PITPNC1: variants seen among roughly 807,000 people sequenced by gnomAD.
PITPNC1 encodes the protein cytoplasmic phosphatidylinositol transfer protein 1.
Under a neutral mutation model 44.7 loss-of-function variants are expected in PITPNC1, and 18 were observed. That is an observed-to-expected ratio of 0.40 (90% CI 0.28 to 0.60). PITPNC1 has a LOEUF of 0.60. Ranked by LOEUF, PITPNC1 falls within the 20% of genes least tolerant of loss-of-function variation. The pLI, the probability that PITPNC1 is intolerant of heterozygous loss-of-function variation, is 0.39. For synonymous variants in PITPNC1, 141 were observed against 149.6 expected (o/e 0.94, Z 0.42); for missense variants, 290 against 418.4 (o/e 0.69, Z 2.68).
chr17:67,473,112 G>A (rs944082413), intron 1 of PITPNC1, among the ~76,000 whole-genome samples: 4 of 152,052 alleles, frequency 2.6e-5, no homozygotes, highest in Non-Finnish European at 5.9e-5. Flanking sequence ...TCCTGACCTC[G>A]TGATCCACCC....
At position 67,676,034 on chromosome 17, in the gene PITPNC1, G is replaced by T. The variant is rs1353110505; in HGVS notation, c.682+492G>T. On this transcript the variant is annotated intron_variant, in intron 8 of 8. Transcript: ENST00000581322. The surrounding 1 kb of genome is among the most constrained non-coding windows in gnomAD (Gnocchi z 4.0). ...ATCCTGGCTAACACGGTGAAACCCCGTCTCTACTAAATAATACAAAAAATT... is the reference window on the plus strand; with the variant it reads ...ATCCTGGCTAACACGGTGAAACCCCTTCTCTACTAAATAATACAAAAAATT... Among the ~76,000 whole-genome samples, 8 of 152,002 alleles carry T rather than the reference G, an allele frequency of 5.3e-5. No homozygotes were observed. Among genetic ancestry groups the T allele is most frequent in the Non-Finnish European group, 4.4e-5 (3 of 67,998 alleles).
intron 5 of PITPNC1, among the ~76,000 whole-genome samples, chr17:67,589,186 T>C (rs1038716208): frequency 1.4e-4 from 21 of 152,224 alleles, no homozygotes; most frequent in African/African-American, 4.6e-4. Flanking sequence ...CACTGCTATT[T>C]GTGGTACAAT....
At chr17:67,651,115 G>T (rs1325598993) in intron 6 of PITPNC1, among the ~76,000 whole-genome samples, 1 of 151,264 alleles carries the variant, frequency 6.6e-6, no homozygotes, top group Non-Finnish European at 1.5e-5. Flanking sequence ...GTTTTGGTTT[G>T]TTTTTTTTTA....
chr17:67,696,550 C>T lies in PITPNC1; in HGVS notation c.*3662C>T, dbSNP rs1470698003. Reference sequence around the variant, plus strand: ...CTGACTCAGTAGGCTAGGAGACAATCTGTCATCTGAGCCATAGTTCTTGAG... The same window carrying T: ...CTGACTCAGTAGGCTAGGAGACAATTTGTCATCTGAGCCATAGTTCTTGAG... On this transcript the variant is annotated 3_prime_UTR_variant, in exon 9 of 9. Coordinates refer to ENST00000581322, the MANE Select transcript of PITPNC1 (RefSeq NM_012417.4). 1.3e-5 allele frequency: 2 copies of T among 152,200 alleles called. No individual in the cohort carries two copies. Among genetic ancestry groups the T allele is most frequent in the Non-Finnish European group, 2.9e-5 (2 of 68,030 alleles). The allele number at this position is 152,200 out of a possible 1,614,324, so 9.4% of individuals were successfully genotyped here.
intron 1 of PITPNC1, among the ~76,000 whole-genome samples, chr17:67,446,417 A>C (rs186501555): frequency 2.5e-4 from 38 of 150,100 alleles, no homozygotes; most frequent in African/African-American, 9.2e-4. Context: ...TGTTTTCAGA[A>C]AAAAAAAAAG....
intron 8 of PITPNC1, among the ~76,000 whole-genome samples, chr17:67,678,563 G>A (rs966421878): frequency 3.3e-5 from 5 of 152,214 alleles, no homozygotes; most frequent in African/African-American, 1.2e-4. Context: ...TTAATTTCAT[G>A]TAAGCTTCTG....
chr17:67,425,193 G>GCGCGCGCGCGCGCGCGCCCACA lies in PITPNC1; in HGVS notation c.48+46992_48+46993insGCGCGCGCGCGCGCGCCCACAC, dbSNP rs1160522771. Among the ~76,000 whole-genome samples the GCGCGCGCGCGCGCGCGCCCACA allele has an allele frequency of 1.2e-4, 6 of 52,118 alleles. 1 individual carries two copies. The allele number at this position is 52,118 out of a possible 152,430, so 34.2% of individuals were successfully genotyped here. A position where few individuals can be genotyped will look rare whatever the true frequency, so the allele number is the denominator to read the frequency against. ...AAATAAACAGCCATGTTGTGCGCGC[G>GCGCGCGCGCGCGCGCGCCCACA]CACGCACACGCACACACACACACAC... On this transcript the variant is annotated intron_variant, in intron 1 of 8. Coordinates refer to ENST00000581322, the MANE Select transcript of PITPNC1 (RefSeq NM_012417.4).
In PITPNC1 at chr17:67,586,449, G is replaced by T. The variant is rs191073278; in HGVS notation, c.366+8192G>T. On this transcript the variant is annotated intron_variant, in intron 5 of 8. Transcript: ENST00000581322. Reference sequence around the variant, plus strand: ...TCAAAAAAAAAAAAAAAAAAAATTAGCTGGGCGTGGTGGTGCATGCCTGTA... The same window carrying T: ...TCAAAAAAAAAAAAAAAAAAAATTATCTGGGCGTGGTGGTGCATGCCTGTA... Among the ~76,000 whole-genome samples, 84 of 137,918 alleles carry T rather than the reference G, an allele frequency of 6.1e-4. 1 individual carries two copies. In the East Asian group the frequency reaches 0.016, roughly 25 times the overall value. The allele number at this position is 137,918 out of a possible 152,430, so 90.5% of individuals were successfully genotyped here.
intron 5 of PITPNC1, among the ~76,000 whole-genome samples, chr17:67,588,356 C>T (rs2041349437): frequency 6.6e-6 from 1 of 152,178 alleles, no homozygotes; most frequent in African/African-American, 2.4e-5. Flanking sequence ...CGAGGTTTCA[C>T]TTTCTGCAGT....
At chr17:67,512,512 A>ACAAAAC (rs2040201474) in intron 1 of PITPNC1, among the ~76,000 whole-genome samples, 1 of 151,412 alleles carries the variant, frequency 6.6e-6, no homozygotes, top group African/African-American at 2.4e-5. Context: ...AAAAAAAAAA[A>ACAAAAC]AAAAAAAAAA....
intron 1 of PITPNC1, among the ~76,000 whole-genome samples, chr17:67,388,313 G>GT (rs2143793943): frequency 6.8e-6 from 1 of 146,598 alleles, no homozygotes; most frequent in African/African-American, 2.5e-5. Flanking sequence ...ATTAGTTTTC[G>GT]TTTCTTTTTT....
intron 1 of PITPNC1, among the ~76,000 whole-genome samples, chr17:67,459,993 A>G (rs1311566246): frequency 2.6e-5 from 4 of 152,296 alleles, no homozygotes; most frequent in Admixed American, 1.3e-4. Flanking sequence ...GAGCTCTTCT[A>G]TCTCTCTCGT....
intron 4 of PITPNC1, among the ~76,000 whole-genome samples, chr17:67,572,458 C>T (rs1238558585): frequency 1.1e-5 from 1 of 87,356 alleles, no homozygotes; most frequent in African/African-American, 5.0e-5. Context: ...CCTGAAGAAG[C>T]TGGGTAAAGC....
chr17:67,441,727 T>G (rs972763927), intron 1 of PITPNC1, among the ~76,000 whole-genome samples: 1 of 152,160 alleles, frequency 6.6e-6, no homozygotes, highest in Non-Finnish European at 1.5e-5. Flanking sequence ...AAATAACTTA[T>G]TACACTTTGA....
chr17:67,673,693 G>A (rs1203940201), intron 7 of PITPNC1, among the ~76,000 whole-genome samples: 1 of 152,104 alleles, frequency 6.6e-6, no homozygotes, highest in Non-Finnish European at 1.5e-5. Flanking sequence ...GCTCATGCCT[G>A]TAATCCCAGC....
intron 1 of PITPNC1, among the ~76,000 whole-genome samples, chr17:67,479,173 G>A (rs1568006960): frequency 6.6e-6 from 1 of 152,162 alleles, no homozygotes; most frequent in Non-Finnish European, 1.5e-5. Flanking sequence ...AGACAGTTAT[G>A]AGCCACTGCC....
intron 6 of PITPNC1, among the ~76,000 whole-genome samples, chr17:67,662,103 G>T (rs948376083): frequency 1.3e-5 from 2 of 152,260 alleles, no homozygotes; most frequent in East Asian, 1.9e-4. Flanking sequence ...TTTTCAGATT[G>T]TATTTTTTAA....
At position 67,625,975 on chromosome 17, in the gene PITPNC1, T is replaced by G. The variant is rs527614359; in HGVS notation, c.367-6168T>G. Among the ~76,000 whole-genome samples, 749 of 135,776 alleles carry G rather than the reference T, an allele frequency of 5.5e-3. 6 individuals carry two copies. Among genetic ancestry groups the G allele is most frequent in the African/African-American group, 0.021 (723 of 34,244 alleles). 89.1% of individuals were successfully genotyped at this position (135,776 alleles called of 152,430 possible). ...TCTAGACTAAGTTGTGGTTTGTTTGTTGTTTTTTTTTTTGGTTTTGGTTTT... is the reference window on the plus strand; with the variant it reads ...TCTAGACTAAGTTGTGGTTTGTTTGGTGTTTTTTTTTTTGGTTTTGGTTTT... On this transcript the variant is annotated intron_variant, in intron 5 of 8. Coordinates refer to ENST00000581322, the MANE Select transcript of PITPNC1 (RefSeq NM_012417.4).
intron 1 of PITPNC1, among the ~76,000 whole-genome samples, chr17:67,402,019 G>A (rs1479602391): frequency 2.0e-5 from 3 of 152,038 alleles, no homozygotes; most frequent in South Asian, 2.1e-4. Flanking sequence ...AACGCAATGC[G>A]TTACAGCAGA....
Sources: allele counts gnomAD v4.1 joint callset (sites outside exome capture counted in the v4.1 genomes callset), GRCh38; gene constraint gnomAD v4.1.1; non-coding constraint Gnocchi (gnomAD v3.1); transcripts MANE v1.5; gene names NCBI Gene and HGNC (gene_info 2026-07-23, HGNC 2026-07-21).